The following PDGFRB variants were observed in gnomAD, a reference collection of about 807,000 sequenced individuals.
PDGFRB encodes platelet derived growth factor receptor beta, also known as platelet-derived growth factor receptor beta.
A neutral mutation model predicts 120.2 loss-of-function variants in PDGFRB; 42 were observed. That is an observed-to-expected ratio of 0.35 (90% confidence interval 0.27 to 0.45). PDGFRB has a LOEUF of 0.45. Ranked by LOEUF, PDGFRB falls within the 20% of genes least tolerant of loss-of-function variation. The pLI, the probability that PDGFRB is intolerant of heterozygous loss-of-function variation, is 1.00. For synonymous variants in PDGFRB, 586 were observed against 606.8 expected (o/e 0.97, Z 0.50); for missense variants, 1,149 against 1,476.3 (o/e 0.78, Z 3.63).
chr5:150,144,635 C>G (rs1246264603), intron 1 of PDGFRB, among the ~76,000 whole-genome samples: 1 of 152,228 alleles, frequency 6.6e-6, no homozygotes. Context: ...GGGGTGGGGG[C>G]AGCGATGCGG....
chr5:150,140,472 G>A (rs537379233), intron 1 of PDGFRB, among the ~76,000 whole-genome samples: 1 of 152,332 alleles, frequency 6.6e-6, no homozygotes, highest in African/African-American at 2.4e-5. Context: ...AGAGTGCTAT[G>A]TGCCAGGAAC....
chr5:150,133,235 G>A (rs909583456), intron 6 of PDGFRB, among the ~76,000 whole-genome samples: 6 of 152,326 alleles, frequency 3.9e-5, no homozygotes, highest in East Asian at 3.9e-4. Context: ...TTGAATTTGG[G>A]GATGGGGCTT....
chr5:150,127,082 T>C (rs1760314733), intron 10 of PDGFRB, among the ~76,000 whole-genome samples: 1 of 152,116 alleles, frequency 6.6e-6, no homozygotes, highest in South Asian at 2.1e-4. Flanking sequence ...ACTGAGTGAG[T>C]GGCCACTGAG....
At position 150,120,771 on chromosome 5, in the gene PDGFRB, C is replaced by T; in HGVS notation, c.2586+117G>A. On this transcript the variant is annotated intron_variant, in intron 18 of 22. Transcript: ENST00000261799. This position sits in a 1 kb window ranked among gnomAD's most constrained non-coding sequence, Gnocchi z 4.3. ...AGCCCATCACTGCTGTCAGGGCAGG[C>T]CACAAGGAGCCCCACACAGATTTCC... 1 of 975,318 alleles carries T rather than the reference C, an allele frequency of 1.0e-6. No homozygotes were observed. Among genetic ancestry groups the T allele is most frequent in the Non-Finnish European group, 1.6e-6 (1 of 644,756 alleles). The allele number at this position is 975,318 out of a possible 1,614,324, so 60.4% of individuals were successfully genotyped here.
chr5:150,147,460 T>C (rs532541584), intron 1 of PDGFRB, among the ~76,000 whole-genome samples: 47 of 152,100 alleles, frequency 3.1e-4, no homozygotes, highest in African/African-American at 9.9e-4. Flanking sequence ...GGGCCGCAAA[T>C]AGAATGGGTT....
In PDGFRB at chr5:150,121,060, A is replaced by G; in HGVS notation, c.2464-50T>C. 6.2e-7 allele frequency: 1 copy of G among 1,601,304 alleles called. No homozygotes were observed. Among genetic ancestry groups the G allele is most frequent in the Non-Finnish European group, 8.6e-7 (1 of 1,168,612 alleles). On this transcript the variant is annotated intron_variant, in intron 17 of 22. Transcript: ENST00000261799. This position sits in a 1 kb window ranked among gnomAD's most constrained non-coding sequence, Gnocchi z 4.1. ...AGGCCTTGGGGACAATTGTGGGGAA[A>G]GACCCTTCATGTCAAGGGCTTTGGG...
chr5:150,130,573 T>A lies in PDGFRB; in HGVS notation c.1333A>T (p.Asn445Tyr). 1 of 1,603,414 alleles carries A rather than the reference T, an allele frequency of 6.2e-7. No homozygotes were observed. Among genetic ancestry groups the A allele is most frequent in the Non-Finnish European group, 8.5e-7 (1 of 1,174,326 alleles). Residue 445 changes from asparagine (N) to tyrosine (Y), a missense_variant, in exon 9 of 23, where the codon AAC becomes TAC. By Grantham distance (143) the Asn-to-Tyr change is moderately radical. This residue lies in a region of PDGFRB where 879 missense variants were observed against 1,108.6 expected (regional missense o/e 0.79). Coordinates refer to ENST00000261799, the MANE Select transcript of PDGFRB (RefSeq NM_002609.4). Reference sequence around the variant, plus strand: ...TCTCTGCAGGCAGACCAGATGATGTTCGGCTGGGGCATGCCCCGGCCACGA... The same window carrying A: ...TCTCTGCAGGCAGACCAGATGATGTACGGCTGGGGCATGCCCCGGCCACGA... ...RCRGRGMPQP[N>Y]IIWSACRDLK... is the part of the protein sequence containing the mutation.
intron 4 of PDGFRB, 54 bp from the exon 5 acceptor site, chr5:150,134,062 C>G (rs899540881): frequency 6.3e-7 from 1 of 1,576,014 alleles, no homozygotes. Flanking sequence ...GCCACTAGCA[C>G]TTCAGCTTGG....
chr5:150,124,427 G>T, intron 13 of PDGFRB, 67 bp from the exon 14 acceptor site: 1 of 1,179,196 alleles, frequency 8.5e-7, no homozygotes, highest in Non-Finnish European at 1.3e-6. Flanking sequence ...CACCACAGGA[G>T]CCTATTCTGA....
In PDGFRB at chr5:150,135,806, G is replaced by C. The variant is rs754766440; in HGVS notation, c.113C>G (p.Pro38Arg). 1 of 1,590,232 alleles carries C rather than the reference G, an allele frequency of 6.3e-7. No individual in the cohort carries two copies. The highest frequency in any genetic ancestry group is 8.6e-7 in the Non-Finnish European group (1 of 1,168,084). The change falls in exon 3 of 23, where the codon CCG becomes CGG. Residue 38 changes from proline (P) to arginine (R), a missense_variant. Coordinates refer to ENST00000261799, the MANE Select transcript of PDGFRB (RefSeq NM_002609.4). The stretch of plus-strand genomic sequence containing the variant: ...GACATTGAGGACAAGCTCTGGCCCC[G>C]GGGGTGTGACGACCAGGCCCTGAGA... ...QISQGLVVTP[P>R]GPELVLNVSS... is the part of the protein sequence containing the mutation.
chr5:150,139,956 G>A (rs1760735532), intron 1 of PDGFRB, among the ~76,000 whole-genome samples: 1 of 151,120 alleles, frequency 6.6e-6, no homozygotes, highest in Admixed American at 6.6e-5. Context: ...CTCCAGCCTG[G>A]TGACAGAGTG....
At position 150,132,313 on chromosome 5, in the gene PDGFRB, G is replaced by C. The variant is rs1482585311; in HGVS notation, c.1128-219C>G. Among the ~76,000 whole-genome samples the C allele has an allele frequency of 2.0e-5, 3 of 152,182 alleles. No homozygotes were observed. The highest frequency in any genetic ancestry group is 4.4e-5 in the Non-Finnish European group (3 of 68,024). ...GAGGGTTGAGATGAACTGTGGGTGGGGGTGGGGAGCATTGAAGGAAAGTCC... is the reference window on the plus strand; with the variant it reads ...GAGGGTTGAGATGAACTGTGGGTGGCGGTGGGGAGCATTGAAGGAAAGTCC... On this transcript the variant is annotated intron_variant, in intron 7 of 22. Transcript: ENST00000261799. This position sits in a 1 kb window ranked among gnomAD's most constrained non-coding sequence, Gnocchi z 5.0.
chr5:150,116,665 A>G (rs1340298392), intron 22 of PDGFRB, among the ~76,000 whole-genome samples: 1 of 152,130 alleles, frequency 6.6e-6, no homozygotes, highest in Non-Finnish European at 1.5e-5. Context: ...GAGGACACCA[A>G]TGTTTAGACA....
At position 150,132,914 on chromosome 5, in the gene PDGFRB, C is replaced by T. The variant is rs773441060; in HGVS notation, c.963G>A (p.Glu321=). ...GCTCAGCAAATTGTAGTGTGCCCAC[C>T]TCTCCCAGGAGCCGCACGTAGCCGC... ...VESGYVRLLG[E]VGTLQFAELH... The change falls in exon 7 of 23, where the codon GAG becomes GAA. Residue 321 remains glutamate (E), a synonymous_variant. Coordinates refer to ENST00000261799, the MANE Select transcript of PDGFRB (RefSeq NM_002609.4). This position sits in a 1 kb window ranked among gnomAD's most constrained non-coding sequence, Gnocchi z 5.0. 81 of 1,575,548 alleles carry T rather than the reference C, an allele frequency of 5.1e-5. No individual in the cohort carries two copies. Among genetic ancestry groups the T allele is most frequent in the South Asian group, 1.6e-4 (14 of 86,294 alleles).
intron 2 of PDGFRB, among the ~76,000 whole-genome samples, chr5:150,136,257 C>T (rs555715125): frequency 1.3e-5 from 2 of 152,212 alleles, no homozygotes; most frequent in South Asian, 2.1e-4. Context: ...CCCCCTCCCC[C>T]GACTGCCCAG....
chr5:150,145,277 G>A (rs977872890), intron 1 of PDGFRB, among the ~76,000 whole-genome samples: 13 of 152,204 alleles, frequency 8.5e-5, no homozygotes, highest in African/African-American at 3.1e-4. Context: ...ATACATAACA[G>A]ACAAAATATG....
In PDGFRB at chr5:150,114,965, G is replaced by A. The variant is rs533828413; in HGVS notation, c.*798C>T. The A allele has an allele frequency of 2.4e-4, 55 of 233,140 alleles. No homozygotes were observed. The highest frequency in any genetic ancestry group is 9.0e-4 in the African/African-American group (41 of 45,438). 14.4% of individuals were successfully genotyped at this position (233,140 alleles called of 1,614,324 possible). On this transcript the variant is annotated 3_prime_UTR_variant, in exon 23 of 23. Transcript: ENST00000261799. Reference sequence around the variant, plus strand: ...CATTCTCATCACAGATGCGGGGCCCGTCTGGCCTTCTAGACTCTGGTGGAT... The same window carrying A: ...CATTCTCATCACAGATGCGGGGCCCATCTGGCCTTCTAGACTCTGGTGGAT...
chr5:150,123,905 T>C (rs2113894053), intron 14 of PDGFRB, among the ~76,000 whole-genome samples: 2 of 152,334 alleles, frequency 1.3e-5, no homozygotes, highest in Middle Eastern at 6.8e-3. Context: ...AGCAAGCTGG[T>C]GGTCTCCAAT....
intron 22 of PDGFRB, among the ~76,000 whole-genome samples, chr5:150,116,181 A>G (rs1475993995): frequency 6.6e-6 from 1 of 152,182 alleles, no homozygotes; most frequent in Admixed American, 6.5e-5. Context: ...GGAACTTCGG[A>G]GCAGGGTCAG....
Sources: allele counts gnomAD v4.1 joint callset (sites outside exome capture counted in the v4.1 genomes callset), GRCh38; gene constraint gnomAD v4.1.1; regional missense constraint gnomAD v4.1.1; non-coding constraint Gnocchi (gnomAD v3.1); transcripts MANE v1.5; gene names NCBI Gene and HGNC (gene_info 2026-07-23, HGNC 2026-07-21).